The following TSC22D3 variants were observed in gnomAD, a reference collection of about 807,000 sequenced individuals.
TSC22D3 encodes TSC22 domain family protein 3.
A neutral mutation model predicts 11.1 loss-of-function variants in TSC22D3; 4 were observed. That is an observed-to-expected ratio of 0.36 (90% confidence interval 0.18 to 0.83). TSC22D3 has a LOEUF of 0.83. TSC22D3 is among the 40% of genes least tolerant of loss of function. The pLI, the probability that TSC22D3 is intolerant of heterozygous loss-of-function variation, is 0.48. For missense variants in TSC22D3, 118 were observed against 159.4 expected, an observed-to-expected ratio of 0.74 and a Z score of 1.40; for synonymous variants, 77 against 70.3, an observed-to-expected ratio of 1.10 and a Z score of -0.48.
intron 1 of TSC22D3, among the ~76,000 whole-genome samples, chrX:107,774,226 C>T (rs1239717682): frequency 8.9e-6 from 1 of 111,937 alleles, no homozygotes; most frequent in Non-Finnish European, 1.9e-5. Flanking sequence ...GTCTGCCCTG[C>T]CTCTAAATTG....
chrX:107,716,778 C>T, intron 1 of TSC22D3: 1 of 1,210,058 alleles, frequency 8.3e-7, no homozygotes, highest in Non-Finnish European at 1.1e-6. Flanking sequence ...TAGACCGCCA[C>T]CTCCATGGGG....
intron 1 of TSC22D3, among the ~76,000 whole-genome samples, chrX:107,727,974 A>G (rs1213355696): frequency 8.9e-6 from 1 of 112,060 alleles, no homozygotes; most frequent in East Asian, 2.8e-4. Flanking sequence ...GCACGACTGA[A>G]GGCACAGTCA....
intron 1 of TSC22D3, chrX:107,716,948 C>CTGCT (rs976513802): frequency 1.0e-4 from 111 of 1,083,618 alleles, no homozygotes; most frequent in Non-Finnish European, 1.3e-4. Flanking sequence ...GGGGCGAAGG[C>CTGCT]TGCAGAACGA....
rs1602937572 is a variant in TSC22D3, at chrX:107,714,200, A to G, written c.*319T>C. 1 of 225,347 alleles carries G rather than the reference A, an allele frequency of 4.4e-6. No homozygotes were observed. The highest frequency in any genetic ancestry group is 7.7e-5 in the East Asian group (1 of 12,970). 18.6% of individuals were successfully genotyped at this position (225,347 alleles called of 1,213,427 possible). A position where few individuals can be genotyped will look rare whatever the true frequency, so the allele number is the denominator to read the frequency against. On this transcript the variant is annotated 3_prime_UTR_variant, in exon 3 of 3. Coordinates refer to ENST00000372383, the MANE Select transcript of TSC22D3 (RefSeq NM_198057.3). Reference sequence around the variant, plus strand: ...ACTTTCTGGAGCAAACTGGTGTCACACCTCAAACTACCCTTCTCCTTTGCC... The same window carrying G: ...ACTTTCTGGAGCAAACTGGTGTCACGCCTCAAACTACCCTTCTCCTTTGCC...
intron 1 of TSC22D3, chrX:107,716,906 C>T: frequency 8.6e-7 from 1 of 1,167,445 alleles, no homozygotes; most frequent in Non-Finnish European, 1.1e-6. Context: ...GGGCTGGGCT[C>T]TGCGCTGGAG....
At chrX:107,716,628 C>G (rs1927055268) in intron 1 of TSC22D3, 2 of 1,051,983 alleles carry the variant, frequency 1.9e-6, no homozygotes, top group African/African-American at 4.0e-5. Flanking sequence ...AGACCGGGCT[C>G]CTAGCCCAGC....
chrX:107,716,569 G>A (rs1927052129), intron 1 of TSC22D3: 1 of 640,783 alleles, frequency 1.6e-6, no homozygotes, highest in South Asian at 5.6e-5. Flanking sequence ...CCCCTTCCCA[G>A]GATGCTGCAC....
chrX:107,730,704 C>T (rs1927842322), intron 1 of TSC22D3, among the ~76,000 whole-genome samples: 1 of 112,340 alleles, frequency 8.9e-6, no homozygotes, highest in Admixed American at 9.4e-5. Context: ...TAAGCAAAAA[C>T]CAAATGTAAA....
At chrX:107,760,895 G>A (rs1438675833) in intron 1 of TSC22D3, among the ~76,000 whole-genome samples, 2 of 112,167 alleles carry the variant, frequency 1.8e-5, no homozygotes, top group Non-Finnish European at 3.8e-5. Flanking sequence ...AGCTTGCCAG[G>A]CTGGGTTTCA....
intron 1 of TSC22D3, among the ~76,000 whole-genome samples, chrX:107,731,872 TG>T (rs1333875840): frequency 2.1e-4 from 3 of 14,144 alleles, no homozygotes; most frequent in Admixed American, 9.2e-4. Context: ...TAGATGGGGG[TG>T]GGGGGAGGGA....
chrX:107,736,777 C>T (rs1928154722), intron 1 of TSC22D3, among the ~76,000 whole-genome samples: 1 of 111,190 alleles, frequency 9.0e-6, no homozygotes, highest in African/African-American at 3.3e-5. Context: ...CCCAGGGTCA[C>T]ACAATGTCCC....
rs748668681 is a variant in TSC22D3, at chrX:107,769,715, T to TCACACACACACACACACA, written c.320+5367_320+5384dup. Among the ~76,000 whole-genome samples the TCACACACACACACACACA allele has an allele frequency of 6.8e-3, 687 of 101,484 alleles. 10 individuals carry two copies. The highest frequency in any genetic ancestry group is 0.024 in the African/African-American group (645 of 27,105). The allele number at this position is 101,484 out of a possible 115,157, so 88.1% of individuals were successfully genotyped here. On this transcript the variant is annotated intron_variant, in intron 1 of 2. Transcript: ENST00000372383. Reference sequence around the variant, plus strand: ...TATAATACATCTCTCTCTTTCTCTTTCACACACACACACACACACACACAC... The same window carrying TCACACACACACACACACA: ...TATAATACATCTCTCTCTTTCTCTTTCACACACACACACACACACACACACACACACACACACACACAC...
At chrX:107,749,178 TACAC>T (rs61681572) in intron 1 of TSC22D3, among the ~76,000 whole-genome samples, 6,910 of 87,200 alleles carry the variant, frequency 0.079, 372 homozygotes, top group Admixed American at 0.18. Flanking sequence ...CTACTAAAAA[TACAC>T]ACACACACAC....
intron 1 of TSC22D3, among the ~76,000 whole-genome samples, chrX:107,720,749 A>G (rs1927286626): frequency 1.1e-5 from 1 of 91,332 alleles, no homozygotes; most frequent in Non-Finnish European, 2.1e-5. Flanking sequence ...GGCAGGGGAG[A>G]TAAGGGTGGG....
At chrX:107,751,747 C>T (rs1454405672) in intron 1 of TSC22D3, among the ~76,000 whole-genome samples, 1 of 111,966 alleles carries the variant, frequency 8.9e-6, no homozygotes, top group Non-Finnish European at 1.9e-5. Flanking sequence ...TCTCAGTTCC[C>T]TCTACTTAAG....
chrX:107,769,032 T>A (rs1026169803), intron 1 of TSC22D3, among the ~76,000 whole-genome samples: 1 of 112,773 alleles, frequency 8.9e-6, no homozygotes, highest in African/African-American at 3.2e-5. Context: ...CCTCAAGGAA[T>A]GCCCTGAGAC....
At chrX:107,750,937 G>T (rs1928906805) in intron 1 of TSC22D3, among the ~76,000 whole-genome samples, 1 of 111,708 alleles carries the variant, frequency 9.0e-6, no homozygotes, top group South Asian at 3.8e-4. Flanking sequence ...ATCTGCTGCT[G>T]GTATTTCTAT....
At chrX:107,747,672 C>G (rs1928735475) in intron 1 of TSC22D3, among the ~76,000 whole-genome samples, 1 of 112,882 alleles carries the variant, frequency 8.9e-6, no homozygotes, top group Non-Finnish European at 1.9e-5. Context: ...GAGCACTGTC[C>G]CAGACACTCG....
intron 1 of TSC22D3, among the ~76,000 whole-genome samples, chrX:107,720,825 C>T (rs1031125229): frequency 9.0e-6 from 1 of 111,226 alleles, no homozygotes; most frequent in Non-Finnish European, 1.9e-5. Flanking sequence ...CCTCAGCACA[C>T]CAGAAAATTT....
Sources: allele counts gnomAD v4.1 joint callset (sites outside exome capture counted in the v4.1 genomes callset), GRCh38; gene constraint gnomAD v4.1.1; transcripts MANE v1.5; gene names NCBI Gene and HGNC (gene_info 2026-07-23, HGNC 2026-07-21).